Variants in PLEKHA7 observed in about 807,000 individuals in gnomAD.
The protein encoded by PLEKHA7 is pleckstrin homology domain containing A7.
PLEKHA7 carries 104 observed loss-of-function variants against 170.0 expected under a neutral mutation model. The ratio of observed to expected loss-of-function variants is 0.61; its 90% CI spans 0.52 to 0.72. The LOEUF (loss-of-function observed/expected upper bound fraction) is 0.72, where lower values mean the gene tolerates loss of function less well. Ranked by LOEUF, PLEKHA7 falls within the 30% of genes least tolerant of loss-of-function variation. The probability of loss-of-function intolerance (pLI) is 0.00; values close to 1 mark genes in which losing one functional copy is unlikely to be tolerated. For synonymous variants in PLEKHA7, 648 were observed against 660.8 expected (o/e 0.98, Z 0.30); for missense variants, 1,615 against 1,671.7 (o/e 0.97, Z 0.59).
At chr11:16,987,817 T>C (rs1337521381) in intron 3 of PLEKHA7, among the ~76,000 whole-genome samples, 1 of 151,818 alleles carries the variant, frequency 6.6e-6, no homozygotes, top group African/African-American at 2.4e-5. Context: ...TCAACTAGCC[T>C]TGAGGGCAGA....
Position 16,826,346 on chromosome 11 carries a change from A to G in PLEKHA7, c.1117T>C (p.Leu373=), listed in dbSNP as rs781666086. ...SPYSPAEEDA[L]FMDLPTGPRG... ...GGGCCAGTGGGTAAATCCATAAACAAGGCATCCTCCTCGGCTGGCGAGTAC... is the reference window on the plus strand; with the variant it reads ...GGGCCAGTGGGTAAATCCATAAACAGGGCATCCTCCTCGGCTGGCGAGTAC... Residue 373 remains leucine (L), a synonymous_variant, in exon 10 of 27, where the codon TTG becomes CTG. Transcript: ENST00000531066. 1 of 1,614,112 alleles carries G rather than the reference A, an allele frequency of 6.2e-7. No individual in the cohort carries two copies. Among genetic ancestry groups the G allele is most frequent in the East Asian group, 2.2e-5 (1 of 44,894 alleles).
At chr11:16,838,577 T>C (rs16933515) in intron 9 of PLEKHA7, among the ~76,000 whole-genome samples, 8,263 of 151,112 alleles carry the variant, frequency 0.055, 732 homozygotes, top group African/African-American at 0.19. Context: ...AAATATACAT[T>C]AAATTAAGAT....
At chr11:16,936,415 A>AAAAAAAAAC (rs1860305424) in intron 3 of PLEKHA7, among the ~76,000 whole-genome samples, 1 of 150,984 alleles carries the variant, frequency 6.6e-6, no homozygotes, top group Non-Finnish European at 1.5e-5. Flanking sequence ...AAAAAAAAAA[A>AAAAAAAAAC]AAAAAAAAAA....
At chr11:16,822,818 C>G (rs1274372573) in intron 10 of PLEKHA7, among the ~76,000 whole-genome samples, 1 of 152,092 alleles carries the variant, frequency 6.6e-6, no homozygotes, top group Non-Finnish European at 1.5e-5. Flanking sequence ...TCCTAAAACC[C>G]TTATGTCCAG....
chr11:16,892,226 TC>T (rs1241035879), intron 3 of PLEKHA7, among the ~76,000 whole-genome samples: 1 of 152,068 alleles, frequency 6.6e-6, no homozygotes. Context: ...ACTATGTGAG[TC>T]AAGAGATATC....
rs780506333 is a variant in PLEKHA7 at position 16,817,068 on chromosome 11, C to T, written c.1598G>A (p.Arg533Gln). The T allele has an allele frequency of 1.9e-5, 31 of 1,612,116 alleles. No individual in the cohort carries two copies. Among genetic ancestry groups the T allele is most frequent in the South Asian group, 6.6e-5 (6 of 90,790 alleles). ...GATGGGCGCTGTGGGGCTGCCGTGC[C>T]GGAACTGCTGGCGCTGCTGCCACTC... is the stretch of plus-strand genomic sequence containing the variant. Reference protein sequence around the residue: ...LYEWQQRQQFRHGSPTAPICL... With the variant: ...LYEWQQRQQFQHGSPTAPICL... Residue 533 changes from arginine to glutamine, a missense_variant, in exon 11 of 27, where the codon CGG (arginine) becomes CAG (glutamine). Arg to Gln is a conservative substitution (Grantham distance 43). Transcript: ENST00000531066. The surrounding 1 kb of genome is among the most constrained non-coding windows in gnomAD (Gnocchi z 4.4).
chr11:16,780,503 C>T (rs1590092377), intron 26 of PLEKHA7, among the ~76,000 whole-genome samples: 1 of 152,364 alleles, frequency 6.6e-6, no homozygotes, highest in African/African-American at 2.4e-5. Context: ...TCAGTTTCCT[C>T]ATCTGTAGAA....
chr11:16,915,691 C>T (rs1590604337), intron 3 of PLEKHA7, among the ~76,000 whole-genome samples: 1 of 151,848 alleles, frequency 6.6e-6, no homozygotes, highest in East Asian at 1.9e-4. Context: ...AGGACATGAA[C>T]TCATCATTTT....
intron 26 of PLEKHA7, 49 bp from the exon 27 acceptor site, chr11:16,779,069 G>A (rs1003505930): frequency 7.1e-6 from 5 of 702,014 alleles, no homozygotes; most frequent in Non-Finnish European, 1.3e-5. Context: ...CAGGGAGCAG[G>A]CACGTCTGCA....
rs550087140 is a variant in PLEKHA7 at position 16,963,426 on chromosome 11, T to C, written c.221+50563A>G. Among the ~76,000 whole-genome samples, 30 of 152,132 alleles carry C rather than the reference T, an allele frequency of 2.0e-4. 1 individual carries two copies. The South Asian group carries it at 6.0e-3, about 31-fold the overall frequency. The stretch of plus-strand genomic sequence containing the variant: ...GCCCTAAATTTAACTCCAAAGAAAC[T>C]TGTCTTGCCCTACTTCATGATTCCA... On this transcript the variant is annotated intron_variant, in intron 3 of 26. Coordinates refer to ENST00000531066, the MANE Select transcript of PLEKHA7 (RefSeq NM_001329630.2).
At chr11:16,995,520 G>T (rs1864288880) in intron 3 of PLEKHA7, among the ~76,000 whole-genome samples, 3 of 152,128 alleles carry the variant, frequency 2.0e-5, no homozygotes, top group African/African-American at 7.2e-5. Context: ...CCTCCTGAGT[G>T]TTACTCTCCA....
At chr11:16,854,071 G>A (rs1365350405) in intron 6 of PLEKHA7, among the ~76,000 whole-genome samples, 3 of 152,204 alleles carry the variant, frequency 2.0e-5, no homozygotes, top group East Asian at 3.8e-4. Context: ...CAGGAACCAC[G>A]TTACTTTCTC....
At chr11:16,941,448 A>C (rs908363516) in intron 3 of PLEKHA7, among the ~76,000 whole-genome samples, 1 of 152,232 alleles carries the variant, frequency 6.6e-6, no homozygotes, top group South Asian at 2.1e-4. Flanking sequence ...GGGGCACCAC[A>C]GGAGAATCTG....
rs543118058 is a variant in PLEKHA7, at chr11:17,010,346, G to A, written c.221+3643C>T. Among the ~76,000 whole-genome samples, 13 of 151,768 alleles carry A rather than the reference G, an allele frequency of 8.6e-5. No individual in the cohort carries two copies. The South Asian group carries it at 2.3e-3, about 27-fold the overall frequency. Reference sequence around the variant, plus strand: ...GCAGAGGTTGCAGTGAGCTGAGATCGTGCCACTGCACTCCAGCCTGGGCGA... The same window carrying A: ...GCAGAGGTTGCAGTGAGCTGAGATCATGCCACTGCACTCCAGCCTGGGCGA... On this transcript the variant is annotated intron_variant, in intron 3 of 26. Coordinates refer to ENST00000531066, the MANE Select transcript of PLEKHA7 (RefSeq NM_001329630.2).
chr11:16,824,589 C>T (rs1316897835), intron 10 of PLEKHA7, among the ~76,000 whole-genome samples: 4 of 152,188 alleles, frequency 2.6e-5, no homozygotes, highest in African/African-American at 9.7e-5. Context: ...AATTCACTTA[C>T]GAGTGTCGCT....
At chr11:16,969,879 G>T (rs1862602884) in intron 3 of PLEKHA7, among the ~76,000 whole-genome samples, 1 of 152,142 alleles carries the variant, frequency 6.6e-6, no homozygotes, top group Admixed American at 6.5e-5. Context: ...TTTGAGTTGG[G>T]TTTCTGTCAC....
intron 4 of PLEKHA7, among the ~76,000 whole-genome samples, chr11:16,869,993 A>G (rs1854697946): frequency 6.6e-6 from 1 of 152,164 alleles, no homozygotes; most frequent in Non-Finnish European, 1.5e-5. Flanking sequence ...AGATGAATGG[A>G]AGGGGACAGA....
chr11:16,839,875 AAAAT>A (rs1851815736), intron 9 of PLEKHA7, among the ~76,000 whole-genome samples: 1 of 152,158 alleles, frequency 6.6e-6, no homozygotes, highest in Non-Finnish European at 1.5e-5. Flanking sequence ...AAAAGAATGA[AAAAT>A]AAAGACCAGG....
chr11:16,779,101 T>C (rs1270308912), intron 26 of PLEKHA7, 81 bp from the exon 27 acceptor site: 7 of 699,812 alleles, frequency 1.0e-5, no homozygotes, highest in South Asian at 8.9e-5. Context: ...GAATGGCAGA[T>C]AGGCGGACAG....
Sources: gnomAD v4.1 joint callset for allele counts (sites outside exome capture counted in the v4.1 genomes callset) on GRCh38, gnomAD v4.1.1 for gene constraint, Gnocchi (gnomAD v3.1) non-coding constraint, MANE v1.5 for transcripts, NCBI Gene and HGNC (gene_info 2026-07-23, HGNC 2026-07-21) for gene names.